The following CACNG2 variants were observed in gnomAD, a reference collection of about 807,000 sequenced individuals.
CACNG2 encodes the protein calcium voltage-gated channel auxiliary subunit gamma 2, also known as voltage-dependent calcium channel gamma-2 subunit.
A neutral mutation model predicts 25.9 loss-of-function variants in CACNG2; 3 were observed. That is an observed-to-expected ratio of 0.12 (90% CI 0.05 to 0.30). The LOEUF (loss-of-function observed/expected upper bound fraction) is 0.30. Ranked by LOEUF, CACNG2 falls within the 10% of genes least tolerant of loss-of-function variation. CACNG2 has a pLI of 1.00. For missense variants in CACNG2, 341 were observed against 432.5 expected, an observed-to-expected ratio of 0.79 and a Z score of 1.88; for synonymous variants, 167 against 173.3, an observed-to-expected ratio of 0.96 and a Z score of 0.29.
chr22:36,569,972 T>C (rs530360194), intron 2 of CACNG2, among the ~76,000 whole-genome samples: 3 of 152,250 alleles, frequency 2.0e-5, no homozygotes, highest in Admixed American at 6.5e-5. Context: ...CAGCAGCAGC[T>C]CAGAGGAACA....
Position 36,677,144 on chromosome 22 carries a change from T to G in CACNG2, c.211+25222A>C, listed in dbSNP as rs554425939. 2.0e-5 allele frequency among the ~76,000 whole-genome samples: 3 copies of G among 152,184 alleles called. No individual in the cohort carries two copies. The East Asian group carries it at 5.8e-4, about 29-fold the overall frequency. On this transcript the variant is annotated intron_variant, in intron 1 of 3. Coordinates refer to ENST00000300105, the MANE Select transcript of CACNG2 (RefSeq NM_006078.5). ...TAACTCTGCTGAAGAAAATGAAGGT[T>G]TGATTTGAATTGCAGAGGGAACGAC...
intron 1 of CACNG2, among the ~76,000 whole-genome samples, chr22:36,691,338 C>T (rs117345089): frequency 5.9e-5 from 9 of 152,162 alleles, no homozygotes; most frequent in South Asian, 4.2e-4. Flanking sequence ...TATTCACTTC[C>T]GCACCTTCAC....
intron 1 of CACNG2, among the ~76,000 whole-genome samples, chr22:36,602,044 T>C (rs1321884351): frequency 6.6e-6 from 1 of 152,182 alleles, no homozygotes; most frequent in Non-Finnish European, 1.5e-5. Context: ...CTCACAGTCA[T>C]TTTGATTGGC....
intron 2 of CACNG2, among the ~76,000 whole-genome samples, chr22:36,576,017 G>A (rs1935306257): frequency 6.6e-6 from 1 of 152,166 alleles, no homozygotes; most frequent in East Asian, 1.9e-4. Flanking sequence ...CTCCTTCCAC[G>A]CTGTGCTGGC....
chr22:36,700,653 A>G (rs1937399910), intron 1 of CACNG2, among the ~76,000 whole-genome samples: 2 of 152,222 alleles, frequency 1.3e-5, no homozygotes, highest in African/African-American at 4.8e-5. Context: ...TCCACTGTTA[A>G]TGACTAGCTG....
chr22:36,615,715 G>A (rs1936011839), intron 1 of CACNG2, among the ~76,000 whole-genome samples: 2 of 152,220 alleles, frequency 1.3e-5, no homozygotes, highest in Non-Finnish European at 2.9e-5. Context: ...CACTGTTGCA[G>A]CACCAGAGTA....
Position 36,659,021 on chromosome 22 carries a change from C to T in CACNG2, c.211+43345G>A, listed in dbSNP as rs1037426128. Among the ~76,000 whole-genome samples the T allele has an allele frequency of 2.0e-5, 3 of 152,130 alleles. No homozygotes were observed. In the East Asian group the frequency reaches 5.8e-4, roughly 29 times the overall value. ...TATGCCCTTTCACTCCAGCATGTGG[C>T]TTGGCAAGAGAAGCATTGGAGTCAG... On this transcript the variant is annotated intron_variant, in intron 1 of 3. Transcript: ENST00000300105.
intron 1 of CACNG2, among the ~76,000 whole-genome samples, chr22:36,677,843 A>G (rs1937038818): frequency 6.6e-6 from 1 of 152,214 alleles, no homozygotes; most frequent in Non-Finnish European, 1.5e-5. Context: ...TGCTCTTTGA[A>G]GATAGTTCTA....
At position 36,645,313 on chromosome 22, in the gene CACNG2, G is replaced by T. The variant is rs192999079; in HGVS notation, c.211+57053C>A. Among the ~76,000 whole-genome samples, 16 of 152,108 alleles carry T rather than the reference G, an allele frequency of 1.1e-4. 1 individual carries two copies. The highest frequency in any genetic ancestry group is 3.9e-4 in the African/African-American group (16 of 41,484). The stretch of plus-strand genomic sequence containing the variant: ...AGCACTTTGGGAGGCTGAGACGGGC[G>T]GATCACGAGATCAGGAGATCGAGAC... On this transcript the variant is annotated intron_variant, in intron 1 of 3. Coordinates refer to ENST00000300105, the MANE Select transcript of CACNG2 (RefSeq NM_006078.5).
chr22:36,628,804 G>A (rs1936224765), intron 1 of CACNG2, among the ~76,000 whole-genome samples: 1 of 151,952 alleles, frequency 6.6e-6, no homozygotes, highest in South Asian at 2.1e-4. Context: ...TGAAATGAGG[G>A]GTAAAGACAA....
At chr22:36,579,876 A>G (rs973861300) in intron 2 of CACNG2, among the ~76,000 whole-genome samples, 1 of 152,054 alleles carries the variant, frequency 6.6e-6, no homozygotes, top group Admixed American at 6.6e-5. Context: ...GGACTTTCTG[A>G]CCACCCTGTT....
chr22:36,564,915 G>GA lies in CACNG2; in HGVS notation c.437-30dup. 1 of 1,596,952 alleles carries GA rather than the reference G, an allele frequency of 6.3e-7. No homozygotes were observed. The highest frequency in any genetic ancestry group is 1.3e-5 in the African/African-American group (1 of 74,896). On this transcript the variant is annotated intron_variant, in intron 3 of 3. Coordinates refer to ENST00000300105, the MANE Select transcript of CACNG2 (RefSeq NM_006078.5). The surrounding 1 kb of genome is among the most constrained non-coding windows in gnomAD (Gnocchi z 6.7). ...CGGGGCGCAGGGTGGCGGGGTGGGG[G>GA]ATCAGAGAGAAGGACGTTAGTTTCT...
chr22:36,565,285 G>A (rs796090075), intron 3 of CACNG2, among the ~76,000 whole-genome samples: 8 of 152,308 alleles, frequency 5.3e-5, no homozygotes, highest in African/African-American at 1.9e-4. Context: ...GGCTGCACAG[G>A]GCTTCAAAGC....
At chr22:36,667,260 A>G (rs1052413836) in intron 1 of CACNG2, among the ~76,000 whole-genome samples, 5 of 152,116 alleles carry the variant, frequency 3.3e-5, no homozygotes, top group Non-Finnish European at 5.9e-5. Context: ...GCTGGGATCC[A>G]CTTTTAAGAC....
At chr22:36,629,530 GTA>G (rs1336632829) in intron 1 of CACNG2, among the ~76,000 whole-genome samples, 60 of 152,094 alleles carry the variant, frequency 3.9e-4, no homozygotes, top group African/African-American at 1.4e-3. Flanking sequence ...GTGTTCGTGT[GTA>G]TGTGTGTGTG....
At chr22:36,578,909 C>T (rs957216471) in intron 2 of CACNG2, among the ~76,000 whole-genome samples, 2 of 151,844 alleles carry the variant, frequency 1.3e-5, no homozygotes, top group African/African-American at 4.8e-5. Flanking sequence ...TCAAGCTGTT[C>T]ACAGTCCGTG....
intron 1 of CACNG2, among the ~76,000 whole-genome samples, chr22:36,635,238 T>G (rs1290103831): frequency 6.7e-6 from 1 of 148,406 alleles, no homozygotes; most frequent in Non-Finnish European, 1.5e-5. Context: ...GAGCTGAGAT[T>G]GCGCCACTGC....
At chr22:36,656,054 C>T (rs572406336) in intron 1 of CACNG2, among the ~76,000 whole-genome samples, 70 of 152,110 alleles carry the variant, frequency 4.6e-4, no homozygotes, top group Non-Finnish European at 8.5e-4. Flanking sequence ...GTGATCTGCC[C>T]TTCTTGGCCT....
intron 2 of CACNG2, among the ~76,000 whole-genome samples, chr22:36,581,090 T>G (rs2145917591): frequency 6.6e-6 from 1 of 152,180 alleles, no homozygotes; most frequent in East Asian, 1.9e-4. Context: ...TCCTTAATCT[T>G]TGGTTAATGA....
Sources: allele counts gnomAD v4.1 joint callset (sites outside exome capture counted in the v4.1 genomes callset), GRCh38; gene constraint gnomAD v4.1.1; non-coding constraint Gnocchi (gnomAD v3.1); transcripts MANE v1.5; gene names NCBI Gene and HGNC (gene_info 2026-07-23, HGNC 2026-07-21).